Variants in FSTL4 observed in about 807,000 individuals in gnomAD.
FSTL4 encodes the protein follistatin-related protein 4.
In FSTL4, 28 loss-of-function variants were observed where a neutral mutation model predicts 78.2. The ratio of observed to expected loss-of-function variants is 0.36; its 90% CI spans 0.27 to 0.49. The LOEUF is 0.49. Among genes scored for constraint, FSTL4 ranks in the 20% least tolerant of loss-of-function variants. The pLI is 0.98. For missense variants in FSTL4, 922 were observed against 1,084.9 expected, an observed-to-expected ratio of 0.85 and a Z score of 2.11; for synonymous variants, 422 against 440.5, an observed-to-expected ratio of 0.96 and a Z score of 0.53.
At chr5:133,400,074 G>A (rs1756180528) in intron 4 of FSTL4, among the ~76,000 whole-genome samples, 1 of 152,234 alleles carries the variant, frequency 6.6e-6, no homozygotes, top group African/African-American at 2.4e-5. Flanking sequence ...AAGCGCATAA[G>A]ACAGCCATAG....
intron 3 of FSTL4, among the ~76,000 whole-genome samples, chr5:133,507,721 C>T (rs1758638978): frequency 6.6e-6 from 1 of 151,794 alleles, no homozygotes; most frequent in Non-Finnish European, 1.5e-5. Flanking sequence ...TGGGGTTTCG[C>T]TATGTTGGCC....
intron 6 of FSTL4, among the ~76,000 whole-genome samples, chr5:133,280,686 C>T (rs1210420679): frequency 6.6e-6 from 1 of 152,146 alleles, no homozygotes; most frequent in Non-Finnish European, 1.5e-5. Context: ...AAACCAAGGC[C>T]CACTCAGAGC....
At chr5:133,442,888 C>T (rs2127004234) in intron 3 of FSTL4, among the ~76,000 whole-genome samples, 1 of 152,358 alleles carries the variant, frequency 6.6e-6, no homozygotes, top group East Asian at 1.9e-4. Flanking sequence ...TCCAAGTACA[C>T]ACACCATACC....
At chr5:133,425,570 A>T (rs1373818036) in intron 3 of FSTL4, among the ~76,000 whole-genome samples, 1 of 152,242 alleles carries the variant, frequency 6.6e-6, no homozygotes, top group East Asian at 1.9e-4. Flanking sequence ...TTAATGCCCA[A>T]CTGACCTCCC....
rs1412928750 is a variant in FSTL4, at chr5:133,276,317, A to T, written c.728-26741T>A. ...CCCAGTGGAGAGGGAGGGCACGCGTAGGTGGCTCCTCTGAGCAGGTGGCTG... is the reference window on the plus strand; with the variant it reads ...CCCAGTGGAGAGGGAGGGCACGCGTTGGTGGCTCCTCTGAGCAGGTGGCTG... On this transcript the variant is annotated intron_variant, in intron 6 of 15. Coordinates refer to ENST00000265342, the MANE Select transcript of FSTL4 (RefSeq NM_015082.2). Among the ~76,000 whole-genome samples, 11 of 152,208 alleles carry T rather than the reference A, an allele frequency of 7.2e-5. No homozygotes were observed. In the East Asian group the frequency reaches 2.1e-3, roughly 29 times the overall value.
chr5:133,255,708 C>T (rs1019640681), intron 6 of FSTL4, among the ~76,000 whole-genome samples: 1 of 152,224 alleles, frequency 6.6e-6, no homozygotes, highest in African/African-American at 2.4e-5. Flanking sequence ...CCCGTCCTCA[C>T]CTTTCTCCCT....
chr5:133,478,471 G>A (rs936744693), intron 3 of FSTL4, among the ~76,000 whole-genome samples: 1 of 152,192 alleles, frequency 6.6e-6, no homozygotes, highest in Non-Finnish European at 1.5e-5. Flanking sequence ...ATTTTCAGGA[G>A]AGAGCCTTAT....
rs1750182079 is a variant in FSTL4 at position 133,197,579 on chromosome 5, A to AGAGT, written c.*1512_*1515dup. ...GAGCTGTGTGTGTTGAGAGTGACACAGAGTCTAGGGTTTCCTCTCCTTGAA... is the reference window on the plus strand; with the variant it reads ...GAGCTGTGTGTGTTGAGAGTGACACAGAGTGAGTCTAGGGTTTCCTCTCCTTGAA... On this transcript the variant is annotated 3_prime_UTR_variant, in exon 16 of 16. Transcript: ENST00000265342. 6.6e-6 allele frequency: 1 copy of AGAGT among 152,366 alleles called. No individual in the cohort carries two copies. Among genetic ancestry groups the AGAGT allele is most frequent in the African/African-American group, 2.4e-5 (1 of 41,456 alleles). 9.4% of individuals were successfully genotyped at this position (152,366 alleles called of 1,614,324 possible).
chr5:133,447,473 G>A (rs1757292446), intron 3 of FSTL4, among the ~76,000 whole-genome samples: 1 of 152,180 alleles, frequency 6.6e-6, no homozygotes, highest in Non-Finnish European at 1.5e-5. Flanking sequence ...GGTTCCTGCA[G>A]CTCGAATTCC....
intron 3 of FSTL4, among the ~76,000 whole-genome samples, chr5:133,458,561 C>T (rs1757535900): frequency 6.6e-6 from 1 of 152,214 alleles, no homozygotes. Context: ...ATGGGAATGC[C>T]AGAGAGGTGC....
chr5:133,788,325 A>C, the FSTL4 span, among the ~76,000 whole-genome samples: 1 of 152,226 alleles, frequency 6.6e-6, no homozygotes, highest in Non-Finnish European at 1.5e-5. Context: ...TGGAAAATGG[A>C]ACATGGACAC....
chr5:133,551,874 T>A (rs1164049541), intron 3 of FSTL4, among the ~76,000 whole-genome samples: 2 of 152,228 alleles, frequency 1.3e-5, no homozygotes. Flanking sequence ...TTAAAGCAAT[T>A]GCCTCATTTT....
intron 6 of FSTL4, among the ~76,000 whole-genome samples, chr5:133,303,274 G>A (rs1391318928): frequency 1.3e-5 from 2 of 152,252 alleles, no homozygotes; most frequent in Non-Finnish European, 2.9e-5. Context: ...TGGGGCTAAA[G>A]AGCTGCTCAG....
At chr5:133,730,700 G>A in the FSTL4 span, among the ~76,000 whole-genome samples, 7 of 152,326 alleles carry the variant, frequency 4.6e-5, no homozygotes, top group Middle Eastern at 3.4e-3. Flanking sequence ...ACCAGCCATC[G>A]AGGAGAGGCA....
intron 3 of FSTL4, among the ~76,000 whole-genome samples, chr5:133,490,107 C>T (rs28478738): frequency 0.012 from 1,871 of 152,000 alleles, 34 homozygotes; most frequent in African/African-American, 0.043. Context: ...GTATTTTCCT[C>T]ATAAGTCTCC....
At chr5:133,355,708 C>A (rs1401671038) in intron 4 of FSTL4, among the ~76,000 whole-genome samples, 1 of 152,090 alleles carries the variant, frequency 6.6e-6, no homozygotes, top group Non-Finnish European at 1.5e-5. Flanking sequence ...CACAACAATG[C>A]CTAGTTTTGT....
the FSTL4 span, among the ~76,000 whole-genome samples, chr5:133,760,767 G>GA: frequency 6.6e-6 from 1 of 151,742 alleles, no homozygotes; most frequent in South Asian, 2.1e-4. Flanking sequence ...ACCTAGAGAG[G>GA]AAAAAAAAGC....
At chr5:133,336,597 G>A (rs903317332) in intron 4 of FSTL4, among the ~76,000 whole-genome samples, 1 of 152,180 alleles carries the variant, frequency 6.6e-6, no homozygotes, top group African/African-American at 2.4e-5. Flanking sequence ...GGGCAGGGGT[G>A]AGAGGCTGAC....
Position 133,516,601 on chromosome 5 carries a change from C to T in FSTL4, c.160+50585G>A, listed in dbSNP as rs553065373. 1.4e-4 allele frequency among the ~76,000 whole-genome samples: 21 copies of T among 152,204 alleles called. 1 individual carries two copies. The South Asian group carries it at 2.3e-3, about 17-fold the overall frequency. On this transcript the variant is annotated intron_variant, in intron 3 of 15. Transcript: ENST00000265342. ...ATTCCCCTATAACAGTAACACAATT[C>T]CAATAAATTGTGAATGGGATTTCTT... is the stretch of plus-strand genomic sequence containing the variant.
Sources: gnomAD v4.1 joint callset for allele counts (sites outside exome capture counted in the v4.1 genomes callset) on GRCh38, gnomAD v4.1.1 for gene constraint, MANE v1.5 for transcripts, NCBI Gene and HGNC (gene_info 2026-07-23, HGNC 2026-07-21) for gene names.